HAS1: variants seen among roughly 807,000 people sequenced by gnomAD.
HAS1 encodes HA synthase 1.
HAS1 carries 27 observed loss-of-function variants against 35.0 expected under a neutral mutation model. That is an observed-to-expected ratio of 0.77 (90% CI 0.57 to 1.06). The LOEUF (loss-of-function observed/expected upper bound fraction) is 1.06, where lower values mean the gene tolerates loss of function less well. Among genes scored for constraint, HAS1 ranks in the 50% least tolerant of loss-of-function variants. HAS1 has a pLI of 0.00. For missense variants in HAS1, 940 were observed against 814.8 expected (o/e 1.15, Z -1.87); for synonymous variants, 409 against 371.2 (o/e 1.10, Z -1.17).
intron 4 of HAS1, among the ~76,000 whole-genome samples, chr19:51,714,730 A>G (rs2083575406): frequency 6.7e-6 from 1 of 149,762 alleles, no homozygotes; most frequent in Non-Finnish European, 1.5e-5. Context: ...AGACAAGGAT[A>G]CTGTAAGGAT....
At chr19:51,715,369 C>T (rs916253892) in intron 4 of HAS1, among the ~76,000 whole-genome samples, 1 of 152,144 alleles carries the variant, frequency 6.6e-6, no homozygotes, top group African/African-American at 2.4e-5. Context: ...GCTCCAGCCA[C>T]ACTATTCTCA....
At chr19:51,716,475 C>T in intron 3 of HAS1, 87 bp from the exon 4 acceptor site, 1 of 1,100,106 alleles carries the variant, frequency 9.1e-7, no homozygotes, top group South Asian at 1.5e-5. Context: ...AACCCCATCT[C>T]CAGTTCCAAC....
intron 2 of HAS1, 112 bp from the exon 3 acceptor site, chr19:51,717,305 C>T: frequency 3.0e-6 from 2 of 671,998 alleles, no homozygotes; most frequent in Non-Finnish European, 5.1e-6. Context: ...CCGATCTGAA[C>T]ATAATTTTGA....
In HAS1 at chr19:51,713,445, G is replaced by A. The variant is rs779249404; in HGVS notation, c.1716C>T (p.Gly572=). 1 of 1,536,562 alleles carries A rather than the reference G, an allele frequency of 6.5e-7. No homozygotes were observed. Among genetic ancestry groups the A allele is most frequent in the South Asian group, 1.2e-5 (1 of 80,404 alleles). ...GCTGGACTCACACCTGGACGCGGTA[G>A]CCCCCGGTCCGCCGCCGGCAAAGCC... The part of the protein sequence containing the change: ...VRRLCRRRTG[G]YRVQV Residue 572 remains glycine, a synonymous_variant, in exon 5 of 5, where the codon GGC becomes GGT. Transcript: ENST00000540069. The surrounding 1 kb of genome is among the most constrained non-coding windows in gnomAD (Gnocchi z 4.5).
In HAS1 at chr19:51,713,618, C is replaced by A; in HGVS notation, c.1543G>T (p.Gly515Cys). Residue 515 changes from glycine (G) to cysteine (C), a missense_variant, in exon 5 of 5, where the codon GGC (glycine) becomes TGC (cysteine). Coordinates refer to ENST00000540069, the MANE Select transcript of HAS1 (RefSeq NM_001297436.2). The surrounding 1 kb of genome is among the most constrained non-coding windows in gnomAD (Gnocchi z 4.5). ...LALWALLLLG[G>C]LVRSVAHEAR... ...TCGTGTGCTACGCTGCGGACCAGGC[C>A]CCCAAGCAGCAGCAGCGCCCAGAGC... 4 of 1,560,082 alleles carry A rather than the reference C, an allele frequency of 2.6e-6. No homozygotes were observed. Among genetic ancestry groups the A allele is most frequent in the Non-Finnish European group, 2.6e-6 (3 of 1,152,348 alleles).
At position 51,713,895 on chromosome 19, in the gene HAS1, G is replaced by A. The variant is rs765181371; in HGVS notation, c.1266C>T (p.Phe422=). 2.5e-6 allele frequency: 4 copies of A among 1,606,874 alleles called. No individual in the cohort carries two copies. The highest frequency in any genetic ancestry group is 2.2e-5 in the South Asian group (2 of 91,080). The change falls in exon 5 of 5, where the codon TTC becomes TTT. Residue 422 remains phenylalanine (F), a synonymous_variant. Transcript: ENST00000540069. The surrounding 1 kb of genome is among the most constrained non-coding windows in gnomAD (Gnocchi z 4.5). ...FFVAATVLRL[F]YAGRPWALLW... is the part of the protein sequence containing the mutation. ...GCAGCGCCCAAGGGCGGCCCGCGTA[G>A]AACAGACGCAGCACAGTGGCCGCCA... is the stretch of plus-strand genomic sequence containing the variant.
chr19:51,714,221 G>A, intron 4 of HAS1, 119 bp from the exon 5 acceptor site: 1 of 1,466,300 alleles, frequency 6.8e-7, no homozygotes, highest in Non-Finnish European at 9.1e-7. Context: ...AACCTCTCTA[G>A]GCCTCAGTGT....
intron 1 of HAS1, among the ~76,000 whole-genome samples, chr19:51,722,969 C>T (rs189436104): frequency 8.1e-4 from 124 of 152,286 alleles, no homozygotes; most frequent in African/African-American, 2.8e-3. Flanking sequence ...TGAGGTACAG[C>T]TTTTAAACTC....
chr19:51,719,883 G>A lies in HAS1; in HGVS notation c.22C>T (p.Pro8Ser), dbSNP rs1465402531. The A allele has an allele frequency of 6.5e-7, 1 of 1,535,842 alleles. No individual in the cohort carries two copies. Among genetic ancestry groups the A allele is most frequent in the Non-Finnish European group, 8.7e-7 (1 of 1,146,030 alleles). MRQDAPK[P>S]TPAACRCSGL... ...GAGCAGCGGCAGGCTGCAGGAGTGG[G>A]CTTGGGCGCGTCCTGCTGGGAGCGA... The change falls in exon 2 of 5, where the codon CCC (proline) becomes TCC (serine). Residue 8 changes from proline (P) to serine (S), a missense_variant. Transcript: ENST00000540069.
At position 51,723,988 on chromosome 19, in the gene HAS1, C is replaced by A; in HGVS notation, c.-55G>T. On this transcript the variant is annotated 5_prime_UTR_variant, in exon 1 of 5. Transcript: ENST00000540069. ...TCTCCGGCTTGCTCTCCCAGCCTCT[C>A]TGTGGCCAGAGAGCTGGAGGGGGGT... The A allele has an allele frequency of 6.5e-7, 1 of 1,533,956 alleles. No homozygotes were observed. Among genetic ancestry groups the A allele is most frequent in the Admixed American group, 2.0e-5 (1 of 50,670 alleles).
rs756156236 is a variant in HAS1, at chr19:51,716,318, G to A, written c.996C>T (p.His332=). Reference sequence around the variant, plus strand: ...GGTGCCGGTCATCCCCAAAAGTACAGTGGGTACCCAGGAACTTCTGGTTGT... The same window carrying A: ...GGTGCCGGTCATCCCCAAAAGTACAATGGGTACCCAGGAACTTCTGGTTGT... The part of the protein sequence containing the change: ...AWYNQKFLGT[H]CTFGDDRHLT... Residue 332 remains histidine (H), a synonymous_variant, in exon 4 of 5, where the codon CAC becomes CAT. Coordinates refer to ENST00000540069, the MANE Select transcript of HAS1 (RefSeq NM_001297436.2). The A allele has an allele frequency of 1.2e-6, 2 of 1,613,600 alleles. No homozygotes were observed. Among genetic ancestry groups the A allele is most frequent in the Non-Finnish European group, 1.7e-6 (2 of 1,179,566 alleles).
Position 51,719,639 on chromosome 19 carries a change from T to A in HAS1, c.266A>T (p.Asp89Val), listed in dbSNP as rs1432982307. The change falls in exon 2 of 5, where the codon GAT (aspartate) becomes GTT (valine). Residue 89 changes from aspartate to valine, a missense_variant. By Grantham distance (152) the Asp-to-Val change is radical. Transcript: ENST00000540069. ...RVAAAARGPL[D>V]AATARSVALT... Reference sequence around the variant, plus strand: ...CGCCACACTGCGCGCGGTGGCTGCATCCAGCGGCCCCCGCGCCGCCGCCGC... The same window carrying A: ...CGCCACACTGCGCGCGGTGGCTGCAACCAGCGGCCCCCGCGCCGCCGCCGC... 1.3e-6 allele frequency: 2 copies of A among 1,538,284 alleles called. No individual in the cohort carries two copies.
intron 1 of HAS1, among the ~76,000 whole-genome samples, chr19:51,721,839 G>T (rs962545772): frequency 2.0e-4 from 30 of 152,126 alleles, no homozygotes; most frequent in African/African-American, 7.2e-4. Flanking sequence ...CCAGGCTCTA[G>T]CGATCCTCCT....
At chr19:51,718,890 A>T (rs1466774805) in intron 2 of HAS1, among the ~76,000 whole-genome samples, 1 of 152,228 alleles carries the variant, frequency 6.6e-6, no homozygotes, top group Non-Finnish European at 1.5e-5. Flanking sequence ...TATTGAATGG[A>T]TGGATAGATG....
intron 1 of HAS1, among the ~76,000 whole-genome samples, chr19:51,722,514 T>C (rs4802856): frequency 0.66 from 101,005 of 152,092 alleles, 33,905 homozygotes; most frequent in East Asian, 0.8. Flanking sequence ...ATCTTATATG[T>C]AGCAGGGGTC....
chr19:51,713,809 A>ATGCG lies in HAS1; in HGVS notation c.1351_1352insCGCA (p.Leu451ProfsTer49). The ATGCG allele has an allele frequency of 6.2e-7, 1 of 1,606,824 alleles. No homozygotes were observed. The highest frequency in any genetic ancestry group is 8.5e-7 in the Non-Finnish European group (1 of 1,177,738). ...AAGCACCATGCGCAGGCAGCCCCGC[A>ATGCG]GCCAGGCCGCGAAGGCCGCCTTGGC... On this transcript the variant is annotated frameshift_variant, in exon 5 of 5. Transcript: ENST00000540069. LOFTEE classifies it low-confidence loss of function (END_TRUNC). The surrounding 1 kb of genome is among the most constrained non-coding windows in gnomAD (Gnocchi z 4.5).
intron 2 of HAS1, among the ~76,000 whole-genome samples, chr19:51,717,728 T>C (rs1292840753): frequency 1.3e-5 from 2 of 152,052 alleles, no homozygotes; most frequent in Non-Finnish European, 2.9e-5. Context: ...AACCAACAAA[T>C]ACATACGCTT....
intron 2 of HAS1, 68 bp downstream of exon 2, chr19:51,719,138 G>C: frequency 1.0e-6 from 1 of 956,304 alleles, no homozygotes; most frequent in Non-Finnish European, 1.6e-6. Flanking sequence ...GTACATTGAA[G>C]GAAAGACCCC....
Position 51,713,525 on chromosome 19 carries a change from C to T in HAS1, c.1636G>A (p.Ala546Thr), listed in dbSNP as rs1599789148. ...EAYHLAAGAG[A>T]YVGYWVAMLT... is the part of the protein sequence containing the mutation. The stretch of plus-strand genomic sequence containing the variant: ...ATGGCCACCCAGTAGCCCACGTAGG[C>T]GCCGGCCCCCGCGGCCAAGTGGTAG... The change falls in exon 5 of 5, where the codon GCC becomes ACC. Residue 546 changes from alanine (A) to threonine (T), a missense_variant. Ala to Thr is a moderately conservative substitution (Grantham distance 58). Coordinates refer to ENST00000540069, the MANE Select transcript of HAS1 (RefSeq NM_001297436.2). The surrounding 1 kb of genome is among the most constrained non-coding windows in gnomAD (Gnocchi z 4.5). The T allele has an allele frequency of 1.9e-6, 3 of 1,596,676 alleles. No homozygotes were observed. Among genetic ancestry groups the T allele is most frequent in the Non-Finnish European group, 2.6e-6 (3 of 1,172,588 alleles).
Sources: allele counts gnomAD v4.1 joint callset (sites outside exome capture counted in the v4.1 genomes callset), GRCh38; gene constraint gnomAD v4.1.1; non-coding constraint Gnocchi (gnomAD v3.1); transcripts MANE v1.5; gene names NCBI Gene and HGNC (gene_info 2026-07-23, HGNC 2026-07-21).